NEO1: variants seen among roughly 807,000 people sequenced by gnomAD.
The protein encoded by NEO1 is neogenin 1.
NEO1 carries 63 observed loss-of-function variants against 159.7 expected under a neutral mutation model. The ratio of observed to expected loss-of-function variants is 0.39; its 90% CI spans 0.32 to 0.49. The LOEUF (loss-of-function observed/expected upper bound fraction) is 0.49, where lower values mean the gene tolerates loss of function less well. Among genes scored for constraint, NEO1 ranks in the 20% least tolerant of loss-of-function variants. The pLI is 0.85. For missense variants in NEO1, 1,615 were observed against 1,831.0 expected, an observed-to-expected ratio of 0.88 and a Z score of 2.15; for synonymous variants, 633 against 662.0, an observed-to-expected ratio of 0.96 and a Z score of 0.67.
At position 73,132,225 on chromosome 15, in the gene NEO1, A is replaced by C. The variant is rs58338175; in HGVS notation, c.879-3666A>C. Among the ~76,000 whole-genome samples the C allele has an allele frequency of 9.3e-3, 1,409 of 152,166 alleles. 24 individuals carry two copies. The highest frequency in any genetic ancestry group is 0.032 in the African/African-American group (1,335 of 41,500). ...TCTCTCTCCTTACCTTCTTTATCCA[A>C]CTTTTTAAGAGTAGTCAATACTTTT... On this transcript the variant is annotated intron_variant, in intron 4 of 28. Coordinates refer to ENST00000261908, the MANE Select transcript of NEO1 (RefSeq NM_002499.4).
At chr15:73,110,108 C>T (rs2070893242) in intron 1 of NEO1, among the ~76,000 whole-genome samples, 1 of 152,032 alleles carries the variant, frequency 6.6e-6, no homozygotes, top group African/African-American at 2.4e-5. Context: ...GAATTTGAAG[C>T]AAGATAGTCT....
chr15:73,147,053 G>GGAAGCATATCCCTGATTTCGAGCCA (rs1164010956), intron 5 of NEO1, among the ~76,000 whole-genome samples: 1 of 152,164 alleles, frequency 6.6e-6, no homozygotes, highest in Non-Finnish European at 1.5e-5. Context: ...TATGGTTTTT[G>GGAAGCATATCCCTGATTTCGAGCCA]GAAGCATATC....
chr15:73,101,077 T>A (rs922914169), intron 1 of NEO1, among the ~76,000 whole-genome samples: 3 of 152,248 alleles, frequency 2.0e-5, no homozygotes, highest in African/African-American at 4.8e-5. Context: ...ACACATCTTT[T>A]CTCATGTAAG....
At chr15:73,097,696 G>T (rs1368859032) in intron 1 of NEO1, among the ~76,000 whole-genome samples, 1 of 150,924 alleles carries the variant, frequency 6.6e-6, no homozygotes, top group Non-Finnish European at 1.5e-5. Context: ...TGACCTTAGT[G>T]GCCATTGATA....
At chr15:73,071,462 G>C (rs982277335) in intron 1 of NEO1, among the ~76,000 whole-genome samples, 3 of 152,140 alleles carry the variant, frequency 2.0e-5, no homozygotes, top group Non-Finnish European at 2.9e-5. Flanking sequence ...TCCTCCTCCA[G>C]GGAAAAATGT....
chr15:73,086,746 C>T (rs2151420469), intron 1 of NEO1, among the ~76,000 whole-genome samples: 1 of 138,948 alleles, frequency 7.2e-6, no homozygotes, highest in Non-Finnish European at 1.5e-5. Context: ...GTGGCGCGAT[C>T]TTGATTCACA....
At chr15:73,263,798 A>G (rs146490062) in intron 15 of NEO1, among the ~76,000 whole-genome samples, 1 of 152,302 alleles carries the variant, frequency 6.6e-6, no homozygotes, top group Non-Finnish European at 1.5e-5. Flanking sequence ...TTTTCCTTAC[A>G]AGGAAGAAAC....
chr15:73,188,486 G>T (rs2036060039), intron 7 of NEO1, among the ~76,000 whole-genome samples: 1 of 152,074 alleles, frequency 6.6e-6, no homozygotes, highest in South Asian at 2.1e-4. Flanking sequence ...CCATCATAAG[G>T]TTGTACTATA....
chr15:73,163,180 A>G (rs570484249), intron 5 of NEO1, among the ~76,000 whole-genome samples: 22 of 152,198 alleles, frequency 1.4e-4, no homozygotes, highest in African/African-American at 5.1e-4. Context: ...TTGATACGTA[A>G]GAATGTGAAT....
intron 7 of NEO1, among the ~76,000 whole-genome samples, chr15:73,211,795 A>G (rs990264982): frequency 1.3e-5 from 2 of 152,320 alleles, no homozygotes; most frequent in African/African-American, 2.4e-5. Context: ...AAGAAGCCCA[A>G]GGAAGCTATA....
intron 11 of NEO1, among the ~76,000 whole-genome samples, chr15:73,252,210 A>ATG (rs1175707548): frequency 6.6e-6 from 1 of 152,224 alleles, no homozygotes; most frequent in East Asian, 1.9e-4. Context: ...TGGTCACCAA[A>ATG]TGTTAGAGAC....
rs995972530 is a variant in NEO1 at position 73,102,662 on chromosome 15, C to T, written c.131-13878C>T. Among the ~76,000 whole-genome samples the T allele has an allele frequency of 1.4e-4, 21 of 152,126 alleles. 1 individual carries two copies. The highest frequency in any genetic ancestry group is 3.9e-4 in the African/African-American group (16 of 41,420). On this transcript the variant is annotated intron_variant, in intron 1 of 28. Coordinates refer to ENST00000261908, the MANE Select transcript of NEO1 (RefSeq NM_002499.4). ...TTTTGGGATGCCCTGTTCTCTTGTC[C>T]TCTGACCTCTGTGGCCTTTTCAGGC...
chr15:73,168,011 A>G lies in NEO1; in HGVS notation c.1016-8392A>G, dbSNP rs75068505. Among the ~76,000 whole-genome samples the G allele has an allele frequency of 8.5e-3, 1,300 of 152,244 alleles. 23 individuals carry two copies. The highest frequency in any genetic ancestry group is 0.03 in the African/African-American group (1,228 of 41,544). On this transcript the variant is annotated intron_variant, in intron 5 of 28. Transcript: ENST00000261908. ...GTGGACTTAGGAGAAACAATGATAT[A>G]AAACATTGAATTCTTAAGAAACTTG...
rs970075024 is a variant in NEO1, at chr15:73,122,660, A to G, written c.584A>G (p.Asp195Gly). 6.2e-7 allele frequency: 1 copy of G among 1,614,168 alleles called. No individual in the cohort carries two copies. The highest frequency in any genetic ancestry group is 8.5e-7 in the Non-Finnish European group (1 of 1,180,018). ...CAGAACAGACAACCCCTTCTTCTGG[A>G]TGATAGAGTTATCAAACTTCCAAGT... ...WEQNRQPLLL[D>G]DRVIKLPSGM... The change falls in exon 3 of 29, where the codon GAT becomes GGT. Residue 195 changes from aspartate to glycine, a missense_variant. Physicochemically the swap from Asp to Gly is moderately conservative, Grantham distance 94 (BLOSUM62 -1). Coordinates refer to ENST00000261908, the MANE Select transcript of NEO1 (RefSeq NM_002499.4).
chr15:73,208,691 G>A (rs937956405), intron 7 of NEO1, among the ~76,000 whole-genome samples: 15 of 151,818 alleles, frequency 9.9e-5, no homozygotes, highest in South Asian at 2.1e-4. Flanking sequence ...GTGAAATGCC[G>A]TCTCTACAAA....
intron 2 of NEO1, among the ~76,000 whole-genome samples, chr15:73,120,153 ATTAAT>A (rs545849053): frequency 3.2e-4 from 48 of 149,772 alleles, no homozygotes; most frequent in South Asian, 1.1e-3. Flanking sequence ...AAATTAATTA[ATTAAT>A]TTAATTTAAT....
At chr15:73,172,809 G>A (rs932890942) in intron 5 of NEO1, among the ~76,000 whole-genome samples, 12 of 152,164 alleles carry the variant, frequency 7.9e-5, no homozygotes, top group African/African-American at 2.9e-4. Context: ...AAGAAACAGT[G>A]GATTGGTTAA....
intron 1 of NEO1, among the ~76,000 whole-genome samples, chr15:73,071,164 T>C (rs918418729): frequency 2.6e-5 from 4 of 151,686 alleles, no homozygotes; most frequent in Non-Finnish European, 5.9e-5. Flanking sequence ...CCCAGGCTGG[T>C]CTGGAACTCC....
chr15:73,090,083 G>T (rs2069596797), intron 1 of NEO1, among the ~76,000 whole-genome samples: 2 of 152,004 alleles, frequency 1.3e-5, no homozygotes, highest in Non-Finnish European at 2.9e-5. Context: ...CTATGTAGCT[G>T]TTCAAAATAA....
Sources: allele counts gnomAD v4.1 joint callset (sites outside exome capture counted in the v4.1 genomes callset), GRCh38; gene constraint gnomAD v4.1.1; transcripts MANE v1.5; gene names NCBI Gene and HGNC (gene_info 2026-07-23, HGNC 2026-07-21).